The following PCTP variants were observed in gnomAD, a reference collection of about 807,000 sequenced individuals.
PCTP encodes START domain-containing protein 2.
A neutral mutation model predicts 31.0 loss-of-function variants in PCTP; 27 were observed. That is an observed-to-expected ratio of 0.87 (90% CI 0.64 to 1.20). PCTP has a LOEUF of 1.20. PCTP is among the 50% of genes most tolerant of loss of function. PCTP has a pLI of 0.00. For synonymous variants in PCTP, 108 were observed against 101.2 expected, an observed-to-expected ratio of 1.07 and a Z score of -0.40; for missense variants, 287 against 268.2, an observed-to-expected ratio of 1.07 and a Z score of -0.49.
intron 2 of PCTP, 189 bp from the exon 3 acceptor site, chr17:55,770,917 G>A: frequency 2.6e-5 from 11 of 415,922 alleles, no homozygotes; most frequent in South Asian, 1.0e-4. Flanking sequence ...TTTATATATA[G>A]AGATGGGGTT....
intron 3 of PCTP, among the ~76,000 whole-genome samples, chr17:55,793,935 A>C (rs533460476): frequency 3.3e-5 from 5 of 152,236 alleles, no homozygotes; most frequent in African/African-American, 7.2e-5. Context: ...GCCCGCCTTC[A>C]CAGTAGAAGT....
chr17:55,777,617 C>T (rs60182573), downstream of PCTP, among the ~76,000 whole-genome samples: 23,793 of 152,112 alleles, frequency 0.16, 4,408 homozygotes, highest in African/African-American at 0.44. Context: ...GTAGCATTGT[C>T]GCTAACAGCA....
chr17:55,820,654 G>T (rs34819927), intron 3 of PCTP, among the ~76,000 whole-genome samples: 21,254 of 152,122 alleles, frequency 0.14, 1,555 homozygotes, highest in Middle Eastern at 0.19. Flanking sequence ...AGCAGGGCTT[G>T]TATCTAAAAT....
chr17:55,821,159 G>C (rs145060508), intron 3 of PCTP, among the ~76,000 whole-genome samples: 3 of 152,310 alleles, frequency 2.0e-5, no homozygotes, highest in African/African-American at 4.8e-5. Context: ...TCCAATGACT[G>C]ATGATTGAAT....
At chr17:55,836,058 T>G (rs1361719767) in intron 5 of PCTP, among the ~76,000 whole-genome samples, 1 of 152,192 alleles carries the variant, frequency 6.6e-6, no homozygotes, top group African/African-American at 2.4e-5. Context: ...TTTATTCTTC[T>G]GTGTTGCAAT....
Position 55,751,232 on chromosome 17 carries a change from G to A in PCTP, c.129G>A (p.Arg43=), listed in dbSNP as rs1909683152. Residue 43 remains arginine (R), a synonymous_variant, in exon 1 of 6, where the codon CGG becomes CGA. Coordinates refer to ENST00000268896, the MANE Select transcript of PCTP (RefSeq NM_021213.4). The part of the protein sequence containing the change: ...LVETSGISIY[R]LLDKKTGLYE... ...AGACCTCGGGCATCAGCATCTACCG[G>A]CTGCTGGACAAGGTAGCGGCCAACC... 6.5e-7 allele frequency: 1 copy of A among 1,541,186 alleles called. No individual in the cohort carries two copies. Among genetic ancestry groups the A allele is most frequent in the Admixed American group, 2.0e-5 (1 of 49,550 alleles).
chr17:55,797,914 G>C (rs1912236416), intron 3 of PCTP, among the ~76,000 whole-genome samples: 1 of 151,950 alleles, frequency 6.6e-6, no homozygotes. Flanking sequence ...AAGCAGACAA[G>C]AGTGCCAGAC....
intron 3 of PCTP, among the ~76,000 whole-genome samples, chr17:55,808,553 G>A (rs1285842655): frequency 1.3e-5 from 2 of 152,150 alleles, no homozygotes; most frequent in Non-Finnish European, 2.9e-5. Context: ...ATGCTTTATT[G>A]CAATTATGAG....
At chr17:55,812,859 T>C (rs1272854865) in intron 3 of PCTP, among the ~76,000 whole-genome samples, 2 of 152,206 alleles carry the variant, frequency 1.3e-5, no homozygotes, top group Non-Finnish European at 2.9e-5. Flanking sequence ...CACTCAGAGA[T>C]GAGAAGGATC....
At chr17:55,802,534 G>A (rs1266244164) in intron 3 of PCTP, among the ~76,000 whole-genome samples, 1 of 152,192 alleles carries the variant, frequency 6.6e-6, no homozygotes, top group African/African-American at 2.4e-5. Context: ...GGTCAAGTCG[G>A]CTTTATCCCT....
At chr17:55,806,026 G>A (rs1003208959) in intron 3 of PCTP, among the ~76,000 whole-genome samples, 1 of 151,862 alleles carries the variant, frequency 6.6e-6, no homozygotes, top group Non-Finnish European at 1.5e-5. Context: ...GCTAATACAG[G>A]GTGGGTTCTC....
chr17:55,811,264 C>G (rs9910840), intron 3 of PCTP, among the ~76,000 whole-genome samples: 17 of 152,222 alleles, frequency 1.1e-4, no homozygotes, highest in Non-Finnish European at 2.4e-4. Flanking sequence ...TGATGCCTTT[C>G]GAAAATCCTA....
chr17:55,775,423 C>T, intron 5 of PCTP: 1 of 1,231,846 alleles, frequency 8.1e-7, no homozygotes, highest in Non-Finnish European at 1.0e-6. Flanking sequence ...TCAACAGATT[C>T]CTTGGAAGAG....
At chr17:55,787,329 AT>A (rs1597997335) in intron 2 of PCTP, among the ~76,000 whole-genome samples, 1 of 151,264 alleles carries the variant, frequency 6.6e-6, no homozygotes, top group South Asian at 2.1e-4. Flanking sequence ...AATATTTTAT[AT>A]TTTTTAAGTA....
intron 5 of PCTP, chr17:55,775,397 T>A: frequency 1.6e-6 from 2 of 1,232,168 alleles, no homozygotes. Flanking sequence ...TTGCACAAGA[T>A]CTACTACTAG....
intron 1 of PCTP, chr17:55,751,561 G>T: frequency 7.3e-7 from 1 of 1,375,838 alleles, no homozygotes; most frequent in Admixed American, 2.2e-5. Context: ...GCACACGTCT[G>T]CAAGGGACGT....
chr17:55,783,342 A>G (rs115635690), intron 2 of PCTP, among the ~76,000 whole-genome samples: 4,085 of 152,250 alleles, frequency 0.027, 183 homozygotes, highest in African/African-American at 0.094. Context: ...AGAAGAGAAG[A>G]TCTTTTCATT....
At chr17:55,770,929 C>T (rs1910957055) in intron 2 of PCTP, 177 bp from the exon 3 acceptor site, 1 of 485,078 alleles carries the variant, frequency 2.1e-6, no homozygotes. Flanking sequence ...GATGGGGTTT[C>T]ACCATATTTC....
downstream of PCTP, among the ~76,000 whole-genome samples, chr17:55,845,912 GTGTGTGTGTGTGTGTA>G (rs993869177): frequency 9.2e-5 from 14 of 151,630 alleles, no homozygotes; most frequent in African/African-American, 3.2e-4. Context: ...GTGTGTGTGT[GTGTGTGTGTGTGTGTA>G]TGTGTGTGTG....
Sources: gnomAD v4.1 joint callset for allele counts (sites outside exome capture counted in the v4.1 genomes callset) on GRCh38, gnomAD v4.1.1 for gene constraint, MANE v1.5 for transcripts, NCBI Gene and HGNC (gene_info 2026-07-23, HGNC 2026-07-21) for gene names.